The following DAGLA variants were observed in gnomAD, a reference collection of about 807,000 sequenced individuals.
DAGLA encodes the protein diacylglycerol lipase-alpha.
A neutral mutation model predicts 102.6 loss-of-function variants in DAGLA; 22 were observed. That is an observed-to-expected ratio of 0.21 (90% CI 0.15 to 0.31). DAGLA has a LOEUF of 0.31. Among genes scored for constraint, DAGLA ranks in the 10% least tolerant of loss-of-function variants. The probability of loss-of-function intolerance (pLI) is 1.00; values close to 1 mark genes in which losing one functional copy is unlikely to be tolerated. For synonymous variants in DAGLA, 578 were observed against 628.9 expected, an observed-to-expected ratio of 0.92 and a Z score of 1.21; for missense variants, 927 against 1,446.6, an observed-to-expected ratio of 0.64 and a Z score of 5.83.
Position 61,684,231 on chromosome 11 carries a change from G to A in DAGLA, c.-45+3727G>A, listed in dbSNP as rs567977896. 2.0e-5 allele frequency among the ~76,000 whole-genome samples: 3 copies of A among 152,338 alleles called. No individual in the cohort carries two copies. The highest frequency in any genetic ancestry group is 4.1e-4 in the South Asian group (2 of 4,828). The stretch of plus-strand genomic sequence containing the variant: ...CACTCTGTGATTTCAATTTCTCACC[G>A]GAATAGCTTTACATTACACTCCAGT... On this transcript the variant is annotated intron_variant, in intron 1 of 19. Coordinates refer to ENST00000257215, the MANE Select transcript of DAGLA (RefSeq NM_006133.3). This position sits in a 1 kb window ranked among gnomAD's most constrained non-coding sequence, Gnocchi z 4.5.
intron 9 of DAGLA, among the ~76,000 whole-genome samples, chr11:61,733,857 G>C (rs1339785776): frequency 6.6e-6 from 1 of 152,188 alleles, no homozygotes; most frequent in Non-Finnish European, 1.5e-5. Flanking sequence ...GGGAGTGCTG[G>C]GGGCCTGGGG....
At chr11:61,726,132 G>T in intron 6 of DAGLA, 50 bp downstream of exon 6, 1 of 1,560,514 alleles carries the variant, frequency 6.4e-7, no homozygotes. Context: ...GTGGTCAGGT[G>T]ATTAAGGGGC....
chr11:61,712,026 C>T (rs192903874), intron 1 of DAGLA, among the ~76,000 whole-genome samples: 3 of 152,360 alleles, frequency 2.0e-5, no homozygotes, highest in East Asian at 1.9e-4. Flanking sequence ...TAAACACGAT[C>T]GAGTAATTGT....
At chr11:61,687,035 T>C (rs1394137735) in intron 1 of DAGLA, among the ~76,000 whole-genome samples, 1 of 152,098 alleles carries the variant, frequency 6.6e-6, no homozygotes, top group African/African-American at 2.4e-5. Context: ...ATAATACTAG[T>C]AACAATAACT....
intron 1 of DAGLA, among the ~76,000 whole-genome samples, chr11:61,713,569 C>G (rs1015431613): frequency 1.3e-5 from 2 of 152,218 alleles, no homozygotes; most frequent in Admixed American, 6.5e-5. Context: ...GAGGTTAACT[C>G]GCTACCACAG....
chr11:61,717,510 C>T (rs2065245353), intron 1 of DAGLA, among the ~76,000 whole-genome samples: 1 of 152,212 alleles, frequency 6.6e-6, no homozygotes, highest in East Asian at 1.9e-4. Context: ...CTCTGCAGAC[C>T]TCTCATGTGA....
intron 9 of DAGLA, 65 bp downstream of exon 9, chr11:61,731,506 G>C: frequency 1.3e-6 from 2 of 1,596,552 alleles, no homozygotes; most frequent in Non-Finnish European, 1.7e-6. Flanking sequence ...GTGAGGAAGG[G>C]CTACCGGGCT....
intron 1 of DAGLA, among the ~76,000 whole-genome samples, chr11:61,682,854 G>A (rs532373578): frequency 6.0e-5 from 9 of 149,980 alleles, no homozygotes; most frequent in Admixed American, 3.3e-4. Flanking sequence ...AGGGGGACGG[G>A]GGGGGGAGGT....
Position 61,728,290 on chromosome 11 carries a change from G to A in DAGLA, c.771+3G>A. ...AGCGCAACGCCGTGCTGGACGAGGT[G>A]AGCACCACCAGCCCCTTCTCCAGGT... On this transcript the variant is annotated splice_donor_region_variant and intron_variant, in intron 7 of 19. Transcript: ENST00000257215. 6.2e-7 allele frequency: 1 copy of A among 1,609,692 alleles called. No individual in the cohort carries two copies. The highest frequency in any genetic ancestry group is 8.5e-7 in the Non-Finnish European group (1 of 1,179,816).
chr11:61,701,372 T>G (rs1195474006), intron 1 of DAGLA, among the ~76,000 whole-genome samples: 2 of 152,178 alleles, frequency 1.3e-5, no homozygotes, highest in African/African-American at 2.4e-5. Context: ...CCAGCCCTAC[T>G]GCATGCCTGC....
rs181334314 is a variant in DAGLA at position 61,684,668 on chromosome 11, G to A, written c.-45+4164G>A. Among the ~76,000 whole-genome samples, 3 of 152,274 alleles carry A rather than the reference G, an allele frequency of 2.0e-5. No individual in the cohort carries two copies. Among genetic ancestry groups the A allele is most frequent in the African/African-American group, 7.2e-5 (3 of 41,552 alleles). On this transcript the variant is annotated intron_variant, in intron 1 of 19. Transcript: ENST00000257215. The surrounding 1 kb of genome is among the most constrained non-coding windows in gnomAD (Gnocchi z 4.5). Reference sequence around the variant, plus strand: ...AGATGGGGATGGGGCTGTTATTACCGCGGGGCTGCCCGGGGAGTGCACGTG... The same window carrying A: ...AGATGGGGATGGGGCTGTTATTACCACGGGGCTGCCCGGGGAGTGCACGTG...
intron 7 of DAGLA, 98 bp downstream of exon 7, chr11:61,728,385 C>T (rs576566245): frequency 1.7e-4 from 255 of 1,472,032 alleles, no homozygotes; most frequent in Middle Eastern, 1.7e-3. Context: ...TCGGCTCCCA[C>T]GCAGCTCCCC....
chr11:61,746,854 CTT>C lies in DAGLA; in HGVS notation c.*2371_*2372del, dbSNP rs1002481874. 3 of 152,604 alleles carry C rather than the reference CTT, an allele frequency of 2.0e-5. No individual in the cohort carries two copies. The highest frequency in any genetic ancestry group is 7.2e-5 in the African/African-American group (3 of 41,456). 9.5% of individuals were successfully genotyped at this position (152,604 alleles called of 1,614,324 possible). A position where few individuals can be genotyped will look rare whatever the true frequency, so the allele number is the denominator to read the frequency against. ...TCTCTTACGTGCCATTCTCCCCAGA[CTT>C]TTTTTGTACTTAATGTATGAAAGAT... is the stretch of plus-strand genomic sequence containing the variant. On this transcript the variant is annotated 3_prime_UTR_variant, in exon 20 of 20. Transcript: ENST00000257215.
intron 10 of DAGLA, 31 bp from the exon 11 acceptor site, chr11:61,735,530 C>T (rs762078310): frequency 1.7e-5 from 28 of 1,604,988 alleles, no homozygotes; most frequent in African/African-American, 2.7e-5. Context: ...CCACCAGGGC[C>T]GCTCAGGCTC....
rs151198491 is a variant in DAGLA, at chr11:61,715,937, G to A, written c.-44-4175G>A. 2.7e-3 allele frequency among the ~76,000 whole-genome samples: 406 copies of A among 152,328 alleles called. 2 individuals carry two copies. The highest frequency in any genetic ancestry group is 9.2e-3 in the African/African-American group (381 of 41,580). ...CTGAGGTCCCAGAACAGTTCATCTAGCCAGAGGGGGGGGAGAGGGTTCTCC... is the reference window on the plus strand; with the variant it reads ...CTGAGGTCCCAGAACAGTTCATCTAACCAGAGGGGGGGGAGAGGGTTCTCC... On this transcript the variant is annotated intron_variant, in intron 1 of 19. Transcript: ENST00000257215.
chr11:61,723,410 A>G (rs1224583414), intron 4 of DAGLA, 24 bp from the exon 5 acceptor site: 2 of 1,605,154 alleles, frequency 1.2e-6, no homozygotes, highest in African/African-American at 1.3e-5. Flanking sequence ...GCCCCTACCT[A>G]ATGCCTCCCA....
At chr11:61,715,637 G>C (rs1282392642) in intron 1 of DAGLA, among the ~76,000 whole-genome samples, 1 of 152,224 alleles carries the variant, frequency 6.6e-6, no homozygotes, top group East Asian at 1.9e-4. Flanking sequence ...CATGGTGGGG[G>C]CAGGCTCCTC....
intron 18 of DAGLA, 52 bp downstream of exon 18, chr11:61,740,644 A>G (rs2065470042): frequency 6.3e-7 from 1 of 1,597,770 alleles, no homozygotes; most frequent in Non-Finnish European, 8.5e-7. Flanking sequence ...CTGTCACCCC[A>G]TCAGAACCCC....
chr11:61,737,535 G>A, intron 14 of DAGLA, 152 bp from the exon 15 acceptor site: 2 of 1,024,908 alleles, frequency 2.0e-6, no homozygotes, highest in African/African-American at 1.6e-5. Context: ...AGACAGAGCA[G>A]GGAGCAGGCA....
Sources: gnomAD v4.1 joint callset for allele counts (sites outside exome capture counted in the v4.1 genomes callset) on GRCh38, gnomAD v4.1.1 for gene constraint, Gnocchi (gnomAD v3.1) non-coding constraint, MANE v1.5 for transcripts, NCBI Gene and HGNC (gene_info 2026-07-23, HGNC 2026-07-21) for gene names.